CCSER1: variants seen among roughly 807,000 people sequenced by gnomAD.
The protein encoded by CCSER1 is serine-rich coiled-coil domain-containing protein 1.
In CCSER1, 41 loss-of-function variants were observed where a neutral mutation model predicts 82.0. The ratio of observed to expected loss-of-function variants is 0.50; its 90% CI spans 0.39 to 0.65. The LOEUF is 0.65. Ranked by LOEUF, CCSER1 falls within the 30% of genes least tolerant of loss-of-function variation. The probability of loss-of-function intolerance (pLI) is 0.00; values close to 1 mark genes in which losing one functional copy is unlikely to be tolerated. For synonymous variants in CCSER1, 414 were observed against 383.9 expected (o/e 1.08, Z -0.92); for missense variants, 1,119 against 1,064.2 (o/e 1.05, Z -0.72).
chr4:91,238,200 A>G (rs1368682406), intron 10 of CCSER1, among the ~76,000 whole-genome samples: 1 of 152,142 alleles, frequency 6.6e-6, no homozygotes, highest in South Asian at 2.1e-4. Context: ...TTACCCAATC[A>G]GAAGAACGTT....
intron 1 of CCSER1, among the ~76,000 whole-genome samples, chr4:90,159,188 C>T (rs184671155): frequency 8.5e-5 from 13 of 152,094 alleles, no homozygotes; most frequent in East Asian, 1.9e-4. Flanking sequence ...CCTATGCCAC[C>T]GTGACTGGTT....
chr4:91,198,623 C>T (rs769305764), intron 10 of CCSER1, among the ~76,000 whole-genome samples: 26 of 151,846 alleles, frequency 1.7e-4, no homozygotes, highest in Non-Finnish European at 3.1e-4. Context: ...GCTGCATGAT[C>T]CATAGGGATG....
chr4:91,014,345 A>G lies in CCSER1; in HGVS notation c.2173-71605A>G, dbSNP rs771098632. Among the ~76,000 whole-genome samples, 4 of 134,594 alleles carry G rather than the reference A, an allele frequency of 3.0e-5. 2 individuals carry two copies. The highest frequency in any genetic ancestry group is 6.9e-5 in the Non-Finnish European group (4 of 57,850). The allele number at this position is 134,594 out of a possible 152,430, so 88.3% of individuals were successfully genotyped here. On this transcript the variant is annotated intron_variant, in intron 9 of 10. Coordinates refer to ENST00000509176, the MANE Select transcript of CCSER1 (RefSeq NM_001145065.2). ...ATTCTGATTGGTTTGTTAAAAGCCT[A>G]AGGGCCATCAGCTTTTTATCTGTTA...
intron 10 of CCSER1, among the ~76,000 whole-genome samples, chr4:91,575,761 A>C (rs1196944209): frequency 6.6e-6 from 1 of 152,002 alleles, no homozygotes; most frequent in Non-Finnish European, 1.5e-5. Flanking sequence ...AATGTTCACC[A>C]TCACTAATAA....
chr4:90,295,284 G>T (rs1168652381), intron 1 of CCSER1, among the ~76,000 whole-genome samples: 1 of 151,794 alleles, frequency 6.6e-6, no homozygotes, highest in African/African-American at 2.4e-5. Flanking sequence ...TTAACAATTT[G>T]GATTTCTTTG....
intron 4 of CCSER1, among the ~76,000 whole-genome samples, chr4:90,407,334 A>T (rs1753875191): frequency 6.6e-6 from 1 of 152,206 alleles, no homozygotes; most frequent in Non-Finnish European, 1.5e-5. Flanking sequence ...CAGACCAATA[A>T]TAAGCAGCAA....
At chr4:91,357,601 T>C (rs1748931188) in intron 10 of CCSER1, among the ~76,000 whole-genome samples, 1 of 152,142 alleles carries the variant, frequency 6.6e-6, no homozygotes, top group African/African-American at 2.4e-5. Context: ...TTTATAATCT[T>C]TTTACCAAAG....
chr4:90,713,257 G>A (rs1040832667), intron 6 of CCSER1, among the ~76,000 whole-genome samples: 2 of 152,036 alleles, frequency 1.3e-5, no homozygotes, highest in Non-Finnish European at 2.9e-5. Flanking sequence ...GTGTACTTCA[G>A]TGTGTTTTTG....
intron 8 of CCSER1, among the ~76,000 whole-genome samples, chr4:90,841,068 T>C (rs1762508709): frequency 6.6e-6 from 1 of 152,150 alleles, no homozygotes; most frequent in African/African-American, 2.4e-5. Flanking sequence ...AGTCAGCAGC[T>C]AGAGTAAGTT....
At chr4:91,163,397 T>C (rs1445907485) in intron 10 of CCSER1, among the ~76,000 whole-genome samples, 1 of 151,986 alleles carries the variant, frequency 6.6e-6, no homozygotes, top group Non-Finnish European at 1.5e-5. Flanking sequence ...CTGACAAGAA[T>C]GTATATTCTG....
intron 6 of CCSER1, among the ~76,000 whole-genome samples, chr4:90,711,567 T>G (rs1740617485): frequency 6.6e-6 from 1 of 152,128 alleles, no homozygotes; most frequent in Non-Finnish European, 1.5e-5. Context: ...ATTGAAGGCC[T>G]TTTCTGCACC....
intron 4 of CCSER1, among the ~76,000 whole-genome samples, chr4:90,436,693 C>T (rs1303486182): frequency 6.6e-6 from 1 of 151,992 alleles, no homozygotes; most frequent in East Asian, 1.9e-4. Flanking sequence ...ATTATATACA[C>T]ATCTATAGAA....
intron 6 of CCSER1, among the ~76,000 whole-genome samples, chr4:90,631,595 C>T (rs547739801): frequency 6.6e-6 from 1 of 152,080 alleles, no homozygotes; most frequent in Non-Finnish European, 1.5e-5. Flanking sequence ...AGAAGGATGC[C>T]TCGACAGAGT....
At chr4:90,714,142 T>C (rs1332314848) in intron 6 of CCSER1, among the ~76,000 whole-genome samples, 1 of 152,086 alleles carries the variant, frequency 6.6e-6, no homozygotes, top group Non-Finnish European at 1.5e-5. Context: ...TTGGATCTTT[T>C]CCTTTCAAAT....
At chr4:90,568,489 T>G (rs1779678304) in intron 5 of CCSER1, among the ~76,000 whole-genome samples, 1 of 152,194 alleles carries the variant, frequency 6.6e-6, no homozygotes, top group Admixed American at 6.5e-5. Flanking sequence ...TTCTACTCTC[T>G]TTTGGTTTCC....
chr4:90,148,849 C>A (rs184775515), intron 1 of CCSER1, among the ~76,000 whole-genome samples: 1 of 152,104 alleles, frequency 6.6e-6, no homozygotes, highest in Non-Finnish European at 1.5e-5. Flanking sequence ...CATACCTATA[C>A]GTCTACTTTC....
intron 9 of CCSER1, among the ~76,000 whole-genome samples, chr4:91,041,788 T>G (rs1451337443): frequency 6.6e-6 from 1 of 152,202 alleles, no homozygotes; most frequent in African/African-American, 2.4e-5. Context: ...TACACATGAA[T>G]TATAATGCTG....
intron 10 of CCSER1, among the ~76,000 whole-genome samples, chr4:91,534,544 GGTTT>G (rs1275313997): frequency 7.9e-5 from 12 of 151,876 alleles, no homozygotes; most frequent in Non-Finnish European, 1.6e-4. Flanking sequence ...ATATCACATG[GGTTT>G]GTTGTGAAGA....
intron 10 of CCSER1, among the ~76,000 whole-genome samples, chr4:91,559,110 A>C (rs1471214444): frequency 6.6e-6 from 1 of 151,510 alleles, no homozygotes; most frequent in African/African-American, 2.4e-5. Flanking sequence ...TCTAATATTA[A>C]CTAACAAAGT....
Sources: allele counts gnomAD v4.1 joint callset (sites outside exome capture counted in the v4.1 genomes callset), GRCh38; gene constraint gnomAD v4.1.1; transcripts MANE v1.5; gene names NCBI Gene and HGNC (gene_info 2026-07-23, HGNC 2026-07-21).